The following NRXN1 variants were observed in gnomAD, a reference collection of about 807,000 sequenced individuals.
NRXN1 encodes neurexin-1.
A neutral mutation model predicts 150.9 loss-of-function variants in NRXN1; 39 were observed. That is an observed-to-expected ratio of 0.26 (90% CI 0.20 to 0.34). The LOEUF (loss-of-function observed/expected upper bound fraction) is 0.34, where lower values mean the gene tolerates loss of function less well. NRXN1 is among the 10% of genes least tolerant of loss of function. The pLI, the probability that NRXN1 is intolerant of heterozygous loss-of-function variation, is 1.00. For synonymous variants in NRXN1, 924 were observed against 757.0 expected (o/e 1.22, Z -3.62); for missense variants, 1,815 against 1,949.9 (o/e 0.93, Z 1.30).
intron 17 of NRXN1, among the ~76,000 whole-genome samples, chr2:50,244,597 C>T (rs932296597): frequency 7.2e-5 from 11 of 151,804 alleles, no homozygotes; most frequent in Admixed American, 2.6e-4. Flanking sequence ...TCAGAAACAG[C>T]CTTTTCTCTT....
chr2:50,047,370 A>T (rs1446448643), intron 21 of NRXN1, among the ~76,000 whole-genome samples: 2 of 151,978 alleles, frequency 1.3e-5, no homozygotes, highest in Admixed American at 1.3e-4. Context: ...GTTCTGCAGG[A>T]TATGATTACA....
intron 8 of NRXN1, among the ~76,000 whole-genome samples, chr2:50,554,747 T>C (rs1667992229): frequency 6.6e-6 from 1 of 152,212 alleles, no homozygotes; most frequent in African/African-American, 2.4e-5. Context: ...TTATACATGA[T>C]TTGTGCCAAC....
intron 5 of NRXN1, among the ~76,000 whole-genome samples, chr2:50,906,928 G>A (rs1207659959): frequency 6.6e-6 from 1 of 151,820 alleles, no homozygotes; most frequent in Non-Finnish European, 1.5e-5. Context: ...GAAGGAAATT[G>A]GAAAAGCCTC....
At chr2:50,549,855 CTG>C (rs1667182493) in intron 9 of NRXN1, among the ~76,000 whole-genome samples, 2 of 152,042 alleles carry the variant, frequency 1.3e-5, no homozygotes, top group African/African-American at 4.8e-5. Flanking sequence ...ATTTTGTTCT[CTG>C]TGAGTATGTG....
intron 17 of NRXN1, among the ~76,000 whole-genome samples, chr2:50,266,102 G>A (rs917740911): frequency 2.0e-5 from 3 of 149,422 alleles, no homozygotes; most frequent in South Asian, 2.1e-4. Flanking sequence ...GGGTTCAACC[G>A]ACTCCCCTGC....
chr2:50,171,605 A>T (rs978518714), intron 18 of NRXN1, among the ~76,000 whole-genome samples: 1 of 152,156 alleles, frequency 6.6e-6, no homozygotes. Context: ...AAGCTCAGGC[A>T]AAAGAGAAAA....
chr2:50,150,188 C>T (rs546790285), intron 18 of NRXN1, among the ~76,000 whole-genome samples: 1 of 151,688 alleles, frequency 6.6e-6, no homozygotes, highest in Non-Finnish European at 1.5e-5. Context: ...ATGAGCTGAC[C>T]TAGAGTTAAT....
intron 18 of NRXN1, among the ~76,000 whole-genome samples, chr2:50,094,160 T>G (rs1699926402): frequency 6.6e-6 from 1 of 152,194 alleles, no homozygotes; most frequent in African/African-American, 2.4e-5. Context: ...TTGTTTCAGT[T>G]TCAGCTGAGA....
At chr2:50,770,976 T>G (rs2105448582) in intron 5 of NRXN1, among the ~76,000 whole-genome samples, 1 of 152,210 alleles carries the variant, frequency 6.6e-6, no homozygotes, top group East Asian at 1.9e-4. Flanking sequence ...GTATCTTAAT[T>G]ACGTTTGAAC....
intron 2 of NRXN1, among the ~76,000 whole-genome samples, chr2:51,003,812 G>A (rs924877386): frequency 2.0e-4 from 31 of 151,976 alleles, no homozygotes; most frequent in African/African-American, 7.5e-4. Flanking sequence ...AACAAGAAGT[G>A]AGTTACAGAA....
At position 50,559,172 on chromosome 2, in the gene NRXN1, T is replaced by C. The variant is rs1284003063; in HGVS notation, c.1321-6147A>G. 2.6e-5 allele frequency among the ~76,000 whole-genome samples: 4 copies of C among 152,342 alleles called. No homozygotes were observed. The East Asian group carries it at 7.7e-4, about 29-fold the overall frequency. On this transcript the variant is annotated intron_variant, in intron 8 of 22. Transcript: ENST00000401669. Reference sequence around the variant, plus strand: ...TTATCATTTTCACCTAGCTGTTATCTTTCTACGCACCATCTCCTTATATCA... The same window carrying C: ...TTATCATTTTCACCTAGCTGTTATCCTTCTACGCACCATCTCCTTATATCA...
chr2:50,620,930 C>T, intron 7 of NRXN1: 1 of 352,366 alleles, frequency 2.8e-6, no homozygotes, highest in Non-Finnish European at 5.1e-6. Flanking sequence ...TGCGGTCACT[C>T]GGGCCAGCCA....
intron 2 of NRXN1, among the ~76,000 whole-genome samples, chr2:51,026,152 A>T (rs1670420976): frequency 6.6e-6 from 1 of 152,204 alleles, no homozygotes; most frequent in Admixed American, 6.5e-5. Context: ...CTGTCAGCAA[A>T]AATCAAAGAC....
chr2:50,327,041 C>T (rs1046557682), intron 17 of NRXN1, among the ~76,000 whole-genome samples: 1 of 152,172 alleles, frequency 6.6e-6, no homozygotes, highest in Non-Finnish European at 1.5e-5. Context: ...GTTTCCTAGC[C>T]TTTCCACTTT....
intron 8 of NRXN1, among the ~76,000 whole-genome samples, chr2:50,594,662 G>A (rs1484209977): frequency 6.6e-6 from 1 of 152,172 alleles, no homozygotes; most frequent in Non-Finnish European, 1.5e-5. Flanking sequence ...TAAATGTGTT[G>A]TGTGCTACCT....
intron 19 of NRXN1, among the ~76,000 whole-genome samples, chr2:50,067,150 G>A (rs931484172): frequency 2.0e-5 from 3 of 152,160 alleles, no homozygotes; most frequent in Non-Finnish European, 2.9e-5. Flanking sequence ...GATGTTGGGC[G>A]TAGAAGGCTG....
intron 5 of NRXN1, among the ~76,000 whole-genome samples, chr2:50,697,420 C>T (rs549414968): frequency 6.6e-6 from 1 of 152,172 alleles, no homozygotes; most frequent in South Asian, 2.1e-4. Flanking sequence ...GAGCATCTTT[C>T]AAAGTGAAAC....
intron 5 of NRXN1, among the ~76,000 whole-genome samples, chr2:50,797,920 C>A (rs1170383557): frequency 6.6e-6 from 1 of 152,164 alleles, no homozygotes; most frequent in Non-Finnish European, 1.5e-5. Flanking sequence ...GAACAGTTGT[C>A]TTGTACACAA....
chr2:50,503,708 A>C (rs557370751), intron 13 of NRXN1, among the ~76,000 whole-genome samples: 2 of 152,284 alleles, frequency 1.3e-5, no homozygotes, highest in South Asian at 4.1e-4. Context: ...GTAAAGATTG[A>C]ATCAAGCAAA....
Sources: gnomAD v4.1 joint callset for allele counts (sites outside exome capture counted in the v4.1 genomes callset) on GRCh38, gnomAD v4.1.1 for gene constraint, MANE v1.5 for transcripts, NCBI Gene and HGNC (gene_info 2026-07-23, HGNC 2026-07-21) for gene names.